TBXAS1: variants seen among roughly 807,000 people sequenced by gnomAD.
The protein encoded by TBXAS1 is thromboxane A synthase 1.
TBXAS1 carries 48 observed loss-of-function variants against 60.7 expected under a neutral mutation model. The ratio of observed to expected loss-of-function variants is 0.79; its 90% CI spans 0.63 to 1.01. The LOEUF (loss-of-function observed/expected upper bound fraction) is 1.01, where lower values mean the gene tolerates loss of function less well. Among genes scored for constraint, TBXAS1 ranks in the 50% least tolerant of loss-of-function variants. The pLI is 0.00. For synonymous variants in TBXAS1, 287 were observed against 269.7 expected, an observed-to-expected ratio of 1.06 and a Z score of -0.63; for missense variants, 685 against 686.3, an observed-to-expected ratio of 1.00 and a Z score of 0.02.
chr7:140,007,962 A>G (rs1005927759), intron 10 of TBXAS1, among the ~76,000 whole-genome samples: 2 of 152,212 alleles, frequency 1.3e-5, no homozygotes, highest in East Asian at 3.8e-4. Flanking sequence ...CTCCATAGAG[A>G]AGGGCATCTT....
intron 4 of TBXAS1, among the ~76,000 whole-genome samples, chr7:139,820,450 G>C (rs1330320270): frequency 6.6e-6 from 1 of 152,202 alleles, no homozygotes; most frequent in Non-Finnish European, 1.5e-5. Flanking sequence ...TACAGCCAAA[G>C]TCTGAATGGT....
chr7:139,779,884 T>A (rs1225061518), intron 1 of TBXAS1, among the ~76,000 whole-genome samples: 1 of 152,218 alleles, frequency 6.6e-6, no homozygotes, highest in East Asian at 1.9e-4. Context: ...TTCACCCATC[T>A]CTGTCACTGT....
At chr7:139,842,725 G>A (rs1281123879) in intron 1 of TBXAS1, among the ~76,000 whole-genome samples, 2 of 152,228 alleles carry the variant, frequency 1.3e-5, no homozygotes, top group African/African-American at 2.4e-5. Context: ...GACTCTCTCT[G>A]TTGCTTTCAG....
rs761818836 is a variant in TBXAS1, at chr7:140,020,095, G to A, written c.1598G>A (p.Arg533His). ...KNGVYIKIVS[R>H] ...GGTGTCTATATCAAGATCGTATCCC[G>A]CTGACACAGAAGGCTGCCGGGTGGG... Residue 533 changes from arginine to histidine, a missense_variant, in exon 13 of 13, where the codon CGC becomes CAC. Arg to His is a conservative substitution (Grantham distance 29). Coordinates refer to ENST00000448866, the MANE Select transcript of TBXAS1 (RefSeq NM_001061.7). 47 of 1,613,358 alleles carry A rather than the reference G, an allele frequency of 2.9e-5. No homozygotes were observed. In the East Asian group the frequency reaches 3.1e-4, roughly 11 times the overall value.
chr7:139,859,593 A>G lies in TBXAS1; in HGVS notation c.90-12642A>G, dbSNP rs191011812. Among the ~76,000 whole-genome samples the G allele has an allele frequency of 3.5e-3, 529 of 152,340 alleles. 1 individual carries two copies. Among genetic ancestry groups the G allele is most frequent in the Admixed American group, 6.5e-3 (99 of 15,294 alleles). ...TTCCTTTTAAAATGAATTCATTTCA[A>G]TTTATCTAAAAGAAATTGGGAAATA... On this transcript the variant is annotated intron_variant, in intron 1 of 12. Coordinates refer to ENST00000448866, the MANE Select transcript of TBXAS1 (RefSeq NM_001061.7).
chr7:139,946,564 T>C (rs981221866), intron 5 of TBXAS1, among the ~76,000 whole-genome samples: 1 of 151,950 alleles, frequency 6.6e-6, no homozygotes, highest in South Asian at 2.1e-4. Context: ...AAGGAAGCAA[T>C]GTTAACATGA....
At chr7:139,917,521 T>G (rs567513975) in intron 4 of TBXAS1, among the ~76,000 whole-genome samples, 1 of 152,368 alleles carries the variant, frequency 6.6e-6, no homozygotes, top group South Asian at 2.1e-4. Flanking sequence ...CCATTTCACC[T>G]GCTTTTCTAA....
intron 11 of TBXAS1, among the ~76,000 whole-genome samples, 163 bp from the exon 12 acceptor site, chr7:140,017,507 GC>G (rs1310244177): frequency 6.6e-6 from 1 of 152,192 alleles, no homozygotes; most frequent in Non-Finnish European, 1.5e-5. Context: ...AAGACAGGAG[GC>G]CAGGAGCAGA....
At chr7:140,003,669 T>A (rs1488053087) in intron 9 of TBXAS1, among the ~76,000 whole-genome samples, 1 of 152,234 alleles carries the variant, frequency 6.6e-6, no homozygotes, top group East Asian at 1.9e-4. Flanking sequence ...CCATACAGTT[T>A]TCTTCGGGGA....
At chr7:139,900,673 A>G (rs908123867) in intron 3 of TBXAS1, among the ~76,000 whole-genome samples, 10 of 152,214 alleles carry the variant, frequency 6.6e-5, no homozygotes, top group Non-Finnish European at 1.0e-4. Context: ...TTTGGACTCT[A>G]TATTGTGCTT....
At chr7:139,920,250 T>A (rs1806349850) in intron 4 of TBXAS1, among the ~76,000 whole-genome samples, 1 of 152,012 alleles carries the variant, frequency 6.6e-6, no homozygotes, top group African/African-American at 2.4e-5. Context: ...GGGTTTTCTG[T>A]CCCCCTCTGG....
chr7:139,868,767 G>A (rs1193422103), intron 1 of TBXAS1, among the ~76,000 whole-genome samples: 19 of 148,640 alleles, frequency 1.3e-4, no homozygotes, highest in African/African-American at 4.2e-4. Flanking sequence ...AGCGATTCTC[G>A]TGCCTTAGCC....
chr7:139,913,471 G>A (rs1396606200), intron 4 of TBXAS1: 3 of 310,782 alleles, frequency 9.7e-6, no homozygotes, highest in Non-Finnish European at 1.9e-5. Context: ...GCCATGAGAC[G>A]GCACTTGCCA....
At chr7:139,867,937 A>G (rs900735243) in intron 1 of TBXAS1, among the ~76,000 whole-genome samples, 12 of 152,210 alleles carry the variant, frequency 7.9e-5, no homozygotes, top group African/African-American at 2.9e-4. Flanking sequence ...AGAATGATCC[A>G]GTGGCCCGAT....
chr7:139,923,800 A>G (rs1402630692), intron 4 of TBXAS1, among the ~76,000 whole-genome samples: 4 of 151,536 alleles, frequency 2.6e-5, no homozygotes, highest in Non-Finnish European at 5.9e-5. Flanking sequence ...CTCTTTCACT[A>G]CTCTTCCCAG....
intron 3 of TBXAS1, among the ~76,000 whole-genome samples, chr7:139,883,680 A>G (rs1802865670): frequency 6.6e-6 from 1 of 152,122 alleles, no homozygotes; most frequent in Admixed American, 6.5e-5. Flanking sequence ...TCCCCTCTCC[A>G]GCTTTAGTTC....
rs1554466809 is a variant in TBXAS1 at position 139,809,198 on chromosome 7, T to TGATAGATAGATA, written c.-79-20090_-79-20079dup. On this transcript the variant is annotated intron_variant, in intron 4 of 16. Coordinates refer to the TBXAS1 transcript ENST00000336425. ...ATAGATAGAACCAATAGGAGATAGA[T>TGATAGATAGATA]GATAGATAGATAGATAGATAGATAG... 4.8e-3 allele frequency among the ~76,000 whole-genome samples: 669 copies of TGATAGATAGATA among 140,318 alleles called. 6 individuals are homozygous for TGATAGATAGATA. The highest frequency in any genetic ancestry group is 7.2e-3 in the Middle Eastern group (2 of 278). The allele number at this position is 140,318 out of a possible 152,430, so 92.1% of individuals were successfully genotyped here. A position where few individuals can be genotyped will look rare whatever the true frequency, so the allele number is the denominator to read the frequency against.
intron 5 of TBXAS1, among the ~76,000 whole-genome samples, chr7:139,951,448 T>C (rs1420969872): frequency 1.3e-5 from 2 of 151,164 alleles, no homozygotes; most frequent in African/African-American, 4.9e-5. Context: ...AGCCATATGG[T>C]TCAGTCCCCC....
At chr7:139,883,581 G>T (rs1802859514) in intron 3 of TBXAS1, among the ~76,000 whole-genome samples, 1 of 152,166 alleles carries the variant, frequency 6.6e-6, no homozygotes, top group Non-Finnish European at 1.5e-5. Flanking sequence ...GGGCATGATA[G>T]CTTACAGTAG....
Sources: allele counts gnomAD v4.1 joint callset (sites outside exome capture counted in the v4.1 genomes callset), GRCh38; gene constraint gnomAD v4.1.1; transcripts MANE v1.5; gene names NCBI Gene and HGNC (gene_info 2026-07-23, HGNC 2026-07-21).